MAST2: variants seen among roughly 807,000 people sequenced by gnomAD.
MAST2 encodes microtubule associated serine/threonine kinase 2, also known as microtubule-associated serine/threonine-protein kinase 2.
MAST2 carries 70 observed loss-of-function variants against 147.4 expected under a neutral mutation model. The observed-to-expected ratio is 0.47, with a 90% confidence interval of 0.39 to 0.58. MAST2 has a LOEUF of 0.58. Among genes scored for constraint, MAST2 ranks in the 20% least tolerant of loss-of-function variants. The pLI, the probability that MAST2 is intolerant of heterozygous loss-of-function variation, is 0.00. For missense variants in MAST2, 2,080 were observed against 2,302.3 expected (o/e 0.90, Z 1.98); for synonymous variants, 869 against 896.8 (o/e 0.97, Z 0.55).
At chr1:45,955,838 G>T (rs1044147401) in intron 4 of MAST2, among the ~76,000 whole-genome samples, 3 of 152,182 alleles carry the variant, frequency 2.0e-5, no homozygotes, top group Non-Finnish European at 4.4e-5. Flanking sequence ...TTCTCTCAGT[G>T]AGACAAGGAG....
At position 46,032,703 on chromosome 1, in the gene MAST2, A is replaced by G. The variant is rs1622208; in HGVS notation, c.3522A>G (p.Val1174=). 1,133,489 of 1,613,336 alleles carry G rather than the reference A, an allele frequency of 0.7. 399,374 individuals are homozygous for G. The highest frequency in any genetic ancestry group is 0.75 in the African/African-American group (56,431 of 74,946). ...ATGGCCTGGTGCACACGGAGGTGGT[A>G]GAGCTGATCCTGAAGGTTAGTGCTG... ...PVHGLVHTEV[V]ELILKSGNKV... The change falls in exon 26 of 29, where the codon GTA becomes GTG. Residue 1174 remains valine (V), a synonymous_variant. Coordinates refer to ENST00000361297, the MANE Select transcript of MAST2 (RefSeq NM_015112.3).
chr1:45,917,727 T>G (rs1490804151), intron 4 of MAST2, among the ~76,000 whole-genome samples: 1 of 152,182 alleles, frequency 6.6e-6, no homozygotes, highest in African/African-American at 2.4e-5. Context: ...TTATCAGTAC[T>G]TGGATTTTTG....
intron 3 of MAST2, among the ~76,000 whole-genome samples, chr1:45,880,307 A>G (rs985494514): frequency 6.6e-6 from 1 of 152,238 alleles, no homozygotes; most frequent in Non-Finnish European, 1.5e-5. Flanking sequence ...AAAAAGGTTT[A>G]TATTTGTATG....
intron 5 of MAST2, among the ~76,000 whole-genome samples, chr1:45,984,540 C>T (rs906617316): frequency 6.6e-6 from 1 of 151,910 alleles, no homozygotes; most frequent in Non-Finnish European, 1.5e-5. Flanking sequence ...AACTCTTGGC[C>T]TCAAGTGATC....
At chr1:46,015,700 AAG>A (rs1645907236) in intron 10 of MAST2, among the ~76,000 whole-genome samples, 1 of 152,172 alleles carries the variant, frequency 6.6e-6, no homozygotes, top group South Asian at 2.1e-4. Context: ...ACCAACCAAA[AAG>A]AGTCCAGGAC....
intron 4 of MAST2, 145 bp downstream of exon 4, chr1:45,882,540 G>C (rs1031994958): frequency 1.1e-5 from 7 of 614,224 alleles, no homozygotes; most frequent in African/African-American, 1.9e-5. Context: ...GAAGCCAGCA[G>C]GCCAACTGAC....
At chr1:46,032,813 C>G in intron 26 of MAST2, 95 bp downstream of exon 26, 2 of 1,417,292 alleles carry the variant, frequency 1.4e-6, no homozygotes, top group Admixed American at 2.0e-5. Flanking sequence ...TGGGTGCACA[C>G]ACATCTACAC....
intron 1 of MAST2, among the ~76,000 whole-genome samples, chr1:45,818,600 C>A (rs1468240087): frequency 6.6e-6 from 1 of 152,194 alleles, no homozygotes; most frequent in African/African-American, 2.4e-5. Context: ...ATGTTGAGTT[C>A]TTCGGCAACT....
At chr1:45,844,218 G>C (rs984107285) in intron 3 of MAST2, among the ~76,000 whole-genome samples, 1 of 152,100 alleles carries the variant, frequency 6.6e-6, no homozygotes, top group African/African-American at 2.4e-5. Flanking sequence ...TCCTGCCTCA[G>C]CCTCCTGAGT....
At chr1:45,809,702 C>T (rs1161101106) in intron 1 of MAST2, among the ~76,000 whole-genome samples, 3 of 152,160 alleles carry the variant, frequency 2.0e-5, no homozygotes, top group African/African-American at 4.8e-5. Flanking sequence ...AACTCTTCTG[C>T]AAAGTTGTTT....
At chr1:46,022,113 GC>G (rs1646212100) in intron 12 of MAST2, 31 bp downstream of exon 12, 2 of 1,611,326 alleles carry the variant, frequency 1.2e-6, no homozygotes, top group Non-Finnish European at 1.7e-6. Context: ...CTGCAAAGAG[GC>G]CCCACTGCTG....
In MAST2 at chr1:45,953,228, TA is replaced by T. The variant is rs35599360; in HGVS notation, c.501-6147del. Among the ~76,000 whole-genome samples the T allele has an allele frequency of 1.9e-3, 285 of 149,656 alleles. 1 individual carries two copies. The highest frequency in any genetic ancestry group is 3.6e-3 in the African/African-American group (147 of 40,928). The stretch of plus-strand genomic sequence containing the variant: ...ATTTCTAAACCAATAGAGCAGAGGT[TA>T]AAAAAAAAAACTTGATTAATTCAAG... On this transcript the variant is annotated intron_variant, in intron 4 of 28. Transcript: ENST00000361297.
chr1:46,025,916 C>T (rs750733131), intron 16 of MAST2, 101 bp downstream of exon 16: 73 of 1,452,032 alleles, frequency 5.0e-5, no homozygotes, highest in African/African-American at 8.4e-5. Flanking sequence ...AGATGGCTAC[C>T]GGGAAAACAT....
At chr1:45,872,195 A>G (rs1462718819) in intron 3 of MAST2, among the ~76,000 whole-genome samples, 1 of 152,208 alleles carries the variant, frequency 6.6e-6, no homozygotes, top group Non-Finnish European at 1.5e-5. Context: ...ATAGTGTGAG[A>G]ATTCAATAGC....
intron 3 of MAST2, among the ~76,000 whole-genome samples, chr1:45,846,289 C>T (rs1173922856): frequency 2.0e-5 from 3 of 152,046 alleles, no homozygotes; most frequent in Non-Finnish European, 4.4e-5. Context: ...GACAATTTTG[C>T]TGTTATCACA....
intron 1 of MAST2, among the ~76,000 whole-genome samples, chr1:45,813,881 G>A (rs944442802): frequency 2.0e-5 from 3 of 152,022 alleles, no homozygotes; most frequent in East Asian, 3.9e-4. Context: ...TGAGCTCTTG[G>A]CCTCAAGCAA....
chr1:45,933,140 T>G (rs1655598931), intron 4 of MAST2, among the ~76,000 whole-genome samples: 1 of 143,892 alleles, frequency 6.9e-6, no homozygotes, highest in Non-Finnish European at 1.5e-5. Context: ...GGAGGATCAT[T>G]TAAGCCCAGG....
intron 2 of MAST2, among the ~76,000 whole-genome samples, chr1:45,828,445 T>G (rs1379549688): frequency 6.6e-6 from 1 of 152,298 alleles, no homozygotes; most frequent in African/African-American, 2.4e-5. Flanking sequence ...AAAGATAATC[T>G]GGATTTATGG....
At chr1:45,979,037 T>C (rs554258273) in intron 5 of MAST2, among the ~76,000 whole-genome samples, 30 of 151,734 alleles carry the variant, frequency 2.0e-4, no homozygotes, top group African/African-American at 7.2e-4. Flanking sequence ...TTTAAAATTG[T>C]ATGAGAGAAA....
Sources: allele counts gnomAD v4.1 joint callset (sites outside exome capture counted in the v4.1 genomes callset), GRCh38; gene constraint gnomAD v4.1.1; transcripts MANE v1.5; gene names NCBI Gene and HGNC (gene_info 2026-07-23, HGNC 2026-07-21).